PAQR5: variants seen among roughly 807,000 people sequenced by gnomAD.
PAQR5 encodes progestin and adipoQ receptor family member 5.
In PAQR5, 20 loss-of-function variants were observed where a neutral mutation model predicts 34.5. The ratio of observed to expected loss-of-function variants is 0.58; its 90% CI spans 0.41 to 0.84. The LOEUF is 0.84. Among genes scored for constraint, PAQR5 ranks in the 40% least tolerant of loss-of-function variants. PAQR5 has a pLI of 0.00. For synonymous variants in PAQR5, 131 were observed against 155.6 expected, an observed-to-expected ratio of 0.84 and a Z score of 1.18; for missense variants, 378 against 412.7, an observed-to-expected ratio of 0.92 and a Z score of 0.73.
chr15:69,347,106 G>A (rs1365699238), intron 2 of PAQR5, among the ~76,000 whole-genome samples: 1 of 152,132 alleles, frequency 6.6e-6, no homozygotes, highest in Non-Finnish European at 1.5e-5. Context: ...ACAGGTGTGA[G>A]CCACCACGCC....
chr15:69,355,569 C>T (rs12439936), intron 2 of PAQR5, among the ~76,000 whole-genome samples: 4,295 of 151,394 alleles, frequency 0.028, 123 homozygotes, highest in East Asian at 0.12. Context: ...TACAGGCATT[C>T]GCCACCACGC....
intron 1 of PAQR5, among the ~76,000 whole-genome samples, chr15:69,333,432 G>A (rs1431756950): frequency 6.6e-6 from 1 of 152,148 alleles, no homozygotes; most frequent in African/African-American, 2.4e-5. Context: ...TTAGGGAGTG[G>A]CTAATAGTAG....
At chr15:69,351,737 A>C (rs990159897) in intron 2 of PAQR5, among the ~76,000 whole-genome samples, 1 of 152,202 alleles carries the variant, frequency 6.6e-6, no homozygotes, top group African/African-American at 2.4e-5. Flanking sequence ...ATTTGCTTAC[A>C]TAGAGGGTGA....
chr15:69,335,026 C>A (rs2054478928), intron 1 of PAQR5, among the ~76,000 whole-genome samples: 1 of 151,846 alleles, frequency 6.6e-6, no homozygotes, highest in Non-Finnish European at 1.5e-5. Flanking sequence ...AATTCAAGAC[C>A]AGCCTGGCCA....
chr15:69,394,516 T>C lies in PAQR5; in HGVS notation c.513-2952T>C, dbSNP rs2056360285. 2.6e-5 allele frequency among the ~76,000 whole-genome samples: 4 copies of C among 152,334 alleles called. No homozygotes were observed. The South Asian group carries it at 8.3e-4, about 32-fold the overall frequency. On this transcript the variant is annotated intron_variant, in intron 6 of 8. Transcript: ENST00000395407. Reference sequence around the variant, plus strand: ...AATGATTTTTCCAAAGGCCCGCTAGTTTCAAGCCCTAGTTCCGGAATTCCA... The same window carrying C: ...AATGATTTTTCCAAAGGCCCGCTAGCTTCAAGCCCTAGTTCCGGAATTCCA...
chr15:69,332,698 G>A (rs558046944), intron 1 of PAQR5, among the ~76,000 whole-genome samples: 340 of 13,320 alleles, frequency 0.026, no homozygotes, highest in Non-Finnish European at 0.036. Flanking sequence ...CCCCCACCCC[G>A]GCCAACCCAT....
intron 1 of PAQR5, among the ~76,000 whole-genome samples, chr15:69,305,852 G>A (rs937185991): frequency 3.3e-5 from 5 of 152,170 alleles, no homozygotes; most frequent in Admixed American, 6.5e-5. Flanking sequence ...TGACCTTGTC[G>A]CTTAATGGAA....
intron 1 of PAQR5, among the ~76,000 whole-genome samples, chr15:69,335,551 T>C (rs1191737205): frequency 7.5e-6 from 1 of 132,632 alleles, no homozygotes; most frequent in Non-Finnish European, 1.6e-5. Flanking sequence ...AGTTTTTTTT[T>C]TTTTTTTTTT....
intron 6 of PAQR5, among the ~76,000 whole-genome samples, chr15:69,394,292 T>A (rs1595938117): frequency 6.6e-6 from 1 of 151,808 alleles, no homozygotes; most frequent in Non-Finnish European, 1.5e-5. Context: ...GCGCTGGAGG[T>A]AGAAGGCTCA....
chr15:69,300,630 T>TC (rs1566985322), intron 1 of PAQR5, among the ~76,000 whole-genome samples: 5 of 50,012 alleles, frequency 1.0e-4, no homozygotes, highest in Admixed American at 2.2e-4. Flanking sequence ...TCTTTCTTTC[T>TC]TTCTTTCTTT....
In PAQR5 at chr15:69,407,387, C is replaced by T. The variant is rs1313977467; in HGVS notation, c.*3565C>T. On this transcript the variant is annotated 3_prime_UTR_variant, in exon 9 of 9. Coordinates refer to ENST00000395407, the MANE Select transcript of PAQR5 (RefSeq NM_017705.4). ...CAAGTGATTTGTCTGCCTCAGGCTCCCAAAGTGCTGGGATTACAGGCATGA... is the reference window on the plus strand; with the variant it reads ...CAAGTGATTTGTCTGCCTCAGGCTCTCAAAGTGCTGGGATTACAGGCATGA... The T allele has an allele frequency of 6.6e-6, 1 of 152,220 alleles. No homozygotes were observed. The highest frequency in any genetic ancestry group is 1.5e-5 in the Non-Finnish European group (1 of 68,082). 9.4% of individuals were successfully genotyped at this position (152,220 alleles called of 1,614,324 possible).
intron 3 of PAQR5, among the ~76,000 whole-genome samples, chr15:69,375,313 C>T (rs2055676891): frequency 1.3e-5 from 2 of 152,038 alleles, no homozygotes. Context: ...TCAAATTTCC[C>T]CTTCTTGTGA....
chr15:69,383,583 C>T (rs1211289097), intron 4 of PAQR5, among the ~76,000 whole-genome samples: 8 of 122,238 alleles, frequency 6.5e-5, no homozygotes, highest in Admixed American at 2.4e-4. Context: ...GGCCTCTGTG[C>T]TCATGGTGGA....
intron 1 of PAQR5, among the ~76,000 whole-genome samples, chr15:69,319,180 T>A (rs79029984): frequency 3.2e-4 from 1 of 3,094 alleles, no homozygotes. Context: ...TATATATATA[T>A]ATATATATAT....
chr15:69,339,181 C>CCCCCCCCA (rs55817112), intron 2 of PAQR5, among the ~76,000 whole-genome samples: 2 of 148,564 alleles, frequency 1.3e-5, no homozygotes, highest in African/African-American at 4.9e-5. Context: ...CCCCCCACCC[C>CCCCCCCCA]GCCACCAAGT....
intron 2 of PAQR5, among the ~76,000 whole-genome samples, chr15:69,346,598 G>A (rs1231094421): frequency 1.3e-5 from 2 of 149,518 alleles, no homozygotes; most frequent in East Asian, 2.0e-4. Context: ...TATTATAAGC[G>A]TGAGCTACCA....
Position 69,397,456 on chromosome 15 carries a change from T to C in PAQR5, c.513-12T>C, listed in dbSNP as rs1455085390. 1.9e-6 allele frequency: 3 copies of C among 1,588,722 alleles called. No homozygotes were observed. Among genetic ancestry groups the C allele is most frequent in the South Asian group, 2.2e-5 (2 of 90,562 alleles). The stretch of plus-strand genomic sequence containing the variant: ...CATTCCATTTCCTCCCCACTTTCCT[T>C]CCCTGATTTAGGTTTCTTGAAATCC... On this transcript the variant is annotated splice_polypyrimidine_tract_variant and intron_variant, in intron 6 of 8. Transcript: ENST00000395407.
At position 69,327,182 on chromosome 15, in the gene PAQR5, A is replaced by C. The variant is rs1042500768; in HGVS notation, c.-276-10159A>C. ...TTATTATTATTATTATTATTTGTAG[A>C]GATGGAGTCTCACTATGTTGCCCAG... On this transcript the variant is annotated intron_variant, in intron 1 of 8. Coordinates refer to ENST00000395407, the MANE Select transcript of PAQR5 (RefSeq NM_017705.4). Among the ~76,000 whole-genome samples, 3 of 148,910 alleles carry C rather than the reference A, an allele frequency of 2.0e-5. No individual in the cohort carries two copies. In the East Asian group the frequency reaches 6.1e-4, roughly 30 times the overall value.
intron 6 of PAQR5, among the ~76,000 whole-genome samples, chr15:69,393,007 A>AG (rs1253950172): frequency 2.0e-5 from 3 of 151,838 alleles, no homozygotes; most frequent in Non-Finnish European, 2.9e-5. Context: ...AGAATCTCTT[A>AG]GGGAAAAAAA....
Sources: allele counts gnomAD v4.1 joint callset (sites outside exome capture counted in the v4.1 genomes callset), GRCh38; gene constraint gnomAD v4.1.1; transcripts MANE v1.5; gene names NCBI Gene and HGNC (gene_info 2026-07-23, HGNC 2026-07-21).